The following DENND4A variants were observed in gnomAD, a reference collection of about 807,000 sequenced individuals.
DENND4A encodes the protein DENN domain containing 4A, also known as C-myc promoter-binding protein.
Under a neutral mutation model 199.3 loss-of-function variants are expected in DENND4A, and 70 were observed. That is an observed-to-expected ratio of 0.35 (90% CI 0.29 to 0.43). DENND4A has a LOEUF of 0.43. Among genes scored for constraint, DENND4A ranks in the 20% least tolerant of loss-of-function variants. The probability of loss-of-function intolerance (pLI) is 1.00; values close to 1 mark genes in which losing one functional copy is unlikely to be tolerated. For missense variants in DENND4A, 1,723 were observed against 2,255.8 expected, an observed-to-expected ratio of 0.76 and a Z score of 4.78; for synonymous variants, 686 against 766.9, an observed-to-expected ratio of 0.89 and a Z score of 1.74.
At chr15:65,718,952 G>C (rs1414637237) in intron 12 of DENND4A, among the ~76,000 whole-genome samples, 1 of 150,484 alleles carries the variant, frequency 6.6e-6, no homozygotes, top group Non-Finnish European at 1.5e-5. Flanking sequence ...GCTAATTTTT[G>C]TATTTTTAGT....
intron 1 of DENND4A, among the ~76,000 whole-genome samples, chr15:65,790,021 T>G (rs1351908007): frequency 6.6e-6 from 1 of 152,164 alleles, no homozygotes; most frequent in East Asian, 1.9e-4. Context: ...AGCACGGTGG[T>G]GCACGCCTGT....
rs193270542 is a variant in DENND4A, at chr15:65,746,066, A to G, written c.562-4282T>C. ...TGAGGCAGGAGAATCCCTTGAACCC[A>G]GGAGGCGGAGGTTGCGGTGTGCAGA... On this transcript the variant is annotated intron_variant, in intron 4 of 32. Coordinates refer to ENST00000443035, the MANE Select transcript of DENND4A (RefSeq NM_001320835.1). 1.4e-4 allele frequency among the ~76,000 whole-genome samples: 21 copies of G among 151,760 alleles called. No homozygotes were observed. The East Asian group carries it at 2.5e-3, about 18-fold the overall frequency.
intron 14 of DENND4A, among the ~76,000 whole-genome samples, chr15:65,710,373 G>A (rs1295954831): frequency 1.3e-5 from 2 of 152,084 alleles, no homozygotes; most frequent in Non-Finnish European, 2.9e-5. Flanking sequence ...AAATTTATTG[G>A]CTAAAGCATG....
Position 65,691,514 on chromosome 15 carries a change from G to A in DENND4A, c.3083-3C>T. 6.4e-7 allele frequency: 1 copy of A among 1,566,428 alleles called. No individual in the cohort carries two copies. Among genetic ancestry groups the A allele is most frequent in the Non-Finnish European group, 8.6e-7 (1 of 1,158,872 alleles). ...TAAGAGCAGCTCAGGTGTGCTTTCT[G>A]AAAAACAAGTAAAGTGCTTTTAGCC... On this transcript the variant is annotated splice_region_variant and splice_polypyrimidine_tract_variant and intron_variant, in intron 22 of 32. Transcript: ENST00000443035.
intron 9 of DENND4A, 40 bp downstream of exon 9, chr15:65,731,602 A>G (rs573377210): frequency 1.4e-6 from 2 of 1,391,090 alleles, no homozygotes; most frequent in East Asian, 2.5e-5. Context: ...ATGTTATGCT[A>G]GATTGAGAGA....
At chr15:65,721,051 G>A (rs1168779040) in intron 12 of DENND4A, among the ~76,000 whole-genome samples, 1 of 142,624 alleles carries the variant, frequency 7.0e-6, no homozygotes, top group East Asian at 2.1e-4. Context: ...GGACTCAAGC[G>A]ATCTCCCTGC....
At chr15:65,744,632 T>C (rs1418343945) in intron 4 of DENND4A, among the ~76,000 whole-genome samples, 1 of 152,198 alleles carries the variant, frequency 6.6e-6, no homozygotes, top group Non-Finnish European at 1.5e-5. Flanking sequence ...ATTATATATT[T>C]TCTTAACTAT....
intron 5 of DENND4A, among the ~76,000 whole-genome samples, chr15:65,740,118 T>A (rs1596566990): frequency 1.3e-5 from 2 of 151,494 alleles, no homozygotes; most frequent in Non-Finnish European, 2.9e-5. Context: ...GAGGCGGAGG[T>A]TGCAGTGAGC....
At chr15:65,790,667 T>C (rs2077691825) in intron 1 of DENND4A, among the ~76,000 whole-genome samples, 1 of 152,154 alleles carries the variant, frequency 6.6e-6, no homozygotes, top group Non-Finnish European at 1.5e-5. Context: ...AATGTTTAAT[T>C]CTGCCCAAAA....
chr15:65,667,757 T>TAAA, intron 28 of DENND4A, 54 bp from the exon 29 acceptor site: 1 of 1,553,864 alleles, frequency 6.4e-7, no homozygotes, highest in Non-Finnish European at 8.7e-7. Flanking sequence ...ACTAAGCCAT[T>TAAA]AAAAAATTCA....
chr15:65,705,844 T>C (rs1430798523), intron 15 of DENND4A: 1 of 264,272 alleles, frequency 3.8e-6, no homozygotes, highest in African/African-American at 2.3e-5. Context: ...AATCAACATT[T>C]ACAAGGAGAG....
chr15:65,671,014 C>T (rs891852918), intron 25 of DENND4A, among the ~76,000 whole-genome samples: 1 of 152,072 alleles, frequency 6.6e-6, no homozygotes. Context: ...GGGATACAAA[C>T]GCTTACCCAG....
chr15:65,673,630 G>GAA (rs78649250), intron 24 of DENND4A, among the ~76,000 whole-genome samples: 5 of 110,202 alleles, frequency 4.5e-5, no homozygotes, highest in Non-Finnish European at 1.0e-4. Flanking sequence ...TAACAAGGAG[G>GAA]AAAAAAAAAA....
intron 1 of DENND4A, among the ~76,000 whole-genome samples, chr15:65,788,735 G>A (rs189190941): frequency 2.8e-4 from 43 of 151,658 alleles, no homozygotes; most frequent in African/African-American, 9.2e-4. Flanking sequence ...CACACCTGTA[G>A]TCCCAGCTAC....
At chr15:65,787,662 T>G (rs961258775) in intron 1 of DENND4A, among the ~76,000 whole-genome samples, 7 of 152,180 alleles carry the variant, frequency 4.6e-5, no homozygotes, top group Admixed American at 2.6e-4. Context: ...ACAGCATACC[T>G]TCCCATGAAG....
chr15:65,725,453 G>C (rs1336695111), intron 11 of DENND4A, among the ~76,000 whole-genome samples: 1 of 152,118 alleles, frequency 6.6e-6, no homozygotes, highest in Non-Finnish European at 1.5e-5. Context: ...GAGGCGGGCA[G>C]ATCATGAGGT....
chr15:65,709,719 A>AAAAAAAAT (rs1218030026), intron 14 of DENND4A, among the ~76,000 whole-genome samples: 2 of 51,466 alleles, frequency 3.9e-5, no homozygotes, highest in African/African-American at 2.0e-4. Context: ...AAAAAAAAAA[A>AAAAAAAAT]ATATATATAT....
intron 23 of DENND4A, among the ~76,000 whole-genome samples, chr15:65,689,557 T>A (rs2076902224): frequency 6.6e-6 from 1 of 152,194 alleles, no homozygotes; most frequent in Non-Finnish European, 1.5e-5. Flanking sequence ...CTACCTCTGG[T>A]TTGCCAATGG....
chr15:65,726,653 C>T (rs2075810416), intron 11 of DENND4A, among the ~76,000 whole-genome samples: 1 of 152,182 alleles, frequency 6.6e-6, no homozygotes, highest in South Asian at 2.1e-4. Flanking sequence ...TGTGACAAGA[C>T]TGAGAACTAA....
Sources: gnomAD v4.1 joint callset for allele counts (sites outside exome capture counted in the v4.1 genomes callset) on GRCh38, gnomAD v4.1.1 for gene constraint, MANE v1.5 for transcripts, NCBI Gene and HGNC (gene_info 2026-07-23, HGNC 2026-07-21) for gene names.